The following BMPR1B variants were observed in gnomAD, a reference collection of about 807,000 sequenced individuals.
BMPR1B encodes the protein bone morphogenetic protein receptor type-1B.
A neutral mutation model predicts 59.1 loss-of-function variants in BMPR1B; 12 were observed. The ratio of observed to expected loss-of-function variants is 0.20; its 90% confidence interval spans 0.13 to 0.33. The LOEUF (loss-of-function observed/expected upper bound fraction) is 0.33, where lower values mean the gene tolerates loss of function less well. Ranked by LOEUF, BMPR1B falls within the 10% of genes least tolerant of loss-of-function variation. The probability of loss-of-function intolerance (pLI) is 1.00; values close to 1 mark genes in which losing one functional copy is unlikely to be tolerated. For missense variants in BMPR1B, 550 were observed against 610.9 expected (o/e 0.90, Z 1.05); for synonymous variants, 237 against 207.3 (o/e 1.14, Z -1.23).
At chr4:94,773,415 A>G (rs1227914544) in intron 1 of BMPR1B, among the ~76,000 whole-genome samples, 1 of 152,056 alleles carries the variant, frequency 6.6e-6, no homozygotes, top group Non-Finnish European at 1.5e-5. Context: ...CTAAGATTTT[A>G]TAATTCTTTA....
intron 3 of BMPR1B, among the ~76,000 whole-genome samples, chr4:95,030,471 G>T (rs976747253): frequency 3.9e-5 from 6 of 152,056 alleles, no homozygotes; most frequent in Non-Finnish European, 8.8e-5. Flanking sequence ...GTTCAGGGAT[G>T]CCCTCTCTCA....
At chr4:94,985,742 A>G (rs769991921) in intron 2 of BMPR1B, among the ~76,000 whole-genome samples, 42 of 152,150 alleles carry the variant, frequency 2.8e-4, no homozygotes, top group Non-Finnish European at 3.7e-4. Flanking sequence ...GTTTCTATCT[A>G]TATTTCTTTC....
chr4:94,893,893 A>G (rs1378086844), intron 2 of BMPR1B, among the ~76,000 whole-genome samples: 2 of 152,102 alleles, frequency 1.3e-5, no homozygotes, highest in African/African-American at 2.4e-5. Flanking sequence ...TGAGTCCCAC[A>G]GTGAAATGTG....
At chr4:95,058,703 T>C (rs1426000449) in intron 3 of BMPR1B, among the ~76,000 whole-genome samples, 7 of 152,238 alleles carry the variant, frequency 4.6e-5, no homozygotes, top group African/African-American at 1.2e-4. Context: ...ATTACATTTA[T>C]AGAAATATTC....
intron 3 of BMPR1B, among the ~76,000 whole-genome samples, chr4:95,024,731 G>A (rs538232820): frequency 1.4e-4 from 21 of 152,250 alleles, no homozygotes; most frequent in African/African-American, 5.1e-4. Context: ...CAAGATTAAT[G>A]CTCTGAGGAA....
At chr4:95,066,534 G>A (rs886867546) in intron 3 of BMPR1B, among the ~76,000 whole-genome samples, 2 of 152,140 alleles carry the variant, frequency 1.3e-5, no homozygotes, top group African/African-American at 4.8e-5. Context: ...TCTTTCTTCT[G>A]TTTCTAGAGC....
At chr4:94,792,984 A>G (rs905633656) in intron 1 of BMPR1B, among the ~76,000 whole-genome samples, 1 of 148,896 alleles carries the variant, frequency 6.7e-6, no homozygotes, top group African/African-American at 2.5e-5. Flanking sequence ...TGATTTTCCA[A>G]TAGAAGGATC....
At chr4:95,096,017 AT>A (rs199700479) in intron 3 of BMPR1B, among the ~76,000 whole-genome samples, 22 of 145,584 alleles carry the variant, frequency 1.5e-4, no homozygotes, top group South Asian at 4.5e-4. Flanking sequence ...ATAGTATGAA[AT>A]TTTTTTTACA....
At chr4:94,795,049 A>G (rs1723134118) in intron 1 of BMPR1B, among the ~76,000 whole-genome samples, 1 of 139,382 alleles carries the variant, frequency 7.2e-6, no homozygotes. Context: ...AGAACTTCCA[A>G]CACTATGTTG....
intron 1 of BMPR1B, among the ~76,000 whole-genome samples, chr4:94,811,573 T>C (rs1723812143): frequency 6.6e-6 from 1 of 152,206 alleles, no homozygotes; most frequent in Non-Finnish European, 1.5e-5. Flanking sequence ...TATACTCTGA[T>C]CTAGGATGAT....
chr4:95,145,428 G>T (rs1298896256), intron 10 of BMPR1B, among the ~76,000 whole-genome samples: 2 of 152,162 alleles, frequency 1.3e-5, no homozygotes, highest in Non-Finnish European at 2.9e-5. Context: ...AAGGCACCCT[G>T]CCCTTTTCTG....
At chr4:94,842,086 C>A (rs2148936480) in intron 1 of BMPR1B, among the ~76,000 whole-genome samples, 1 of 152,206 alleles carries the variant, frequency 6.6e-6, no homozygotes, top group South Asian at 2.1e-4. Flanking sequence ...GCACACACAC[C>A]CCAGGGTGCT....
At chr4:95,147,002 T>G (rs2149323442) in intron 10 of BMPR1B, among the ~76,000 whole-genome samples, 1 of 152,316 alleles carries the variant, frequency 6.6e-6, no homozygotes, top group Admixed American at 6.5e-5. Context: ...TTTCCAGTTT[T>G]AGAAAAGATC....
chr4:94,911,679 G>A (rs145139487), intron 2 of BMPR1B, among the ~76,000 whole-genome samples: 35 of 152,230 alleles, frequency 2.3e-4, no homozygotes, highest in East Asian at 1.2e-3. Flanking sequence ...AAATTAAGCC[G>A]TGATAACTGA....
chr4:94,902,086 T>TGGGG (rs745912953), intron 2 of BMPR1B, among the ~76,000 whole-genome samples: 1 of 111,912 alleles, frequency 8.9e-6, no homozygotes, highest in South Asian at 3.3e-4. Flanking sequence ...TGTGTGTGTG[T>TGGGG]GGGGTGTATT....
At chr4:94,871,449 T>C (rs1245128200) in intron 1 of BMPR1B, among the ~76,000 whole-genome samples, 1 of 152,222 alleles carries the variant, frequency 6.6e-6, no homozygotes, top group Admixed American at 6.5e-5. Context: ...GTTGTGAATG[T>C]CATGTTTCTT....
At chr4:95,029,076 A>ATTTG (rs386400866) in intron 3 of BMPR1B, among the ~76,000 whole-genome samples, 1,628 of 150,890 alleles carry the variant, frequency 0.011, 31 homozygotes, top group African/African-American at 0.038. Flanking sequence ...CTTTTTATTT[A>ATTTG]TTTATTTTTT....
At chr4:95,130,345 G>A (rs1424527565) in intron 9 of BMPR1B, among the ~76,000 whole-genome samples, 1 of 152,150 alleles carries the variant, frequency 6.6e-6, no homozygotes, top group African/African-American at 2.4e-5. Flanking sequence ...GGTTTCTTAG[G>A]AATTTGAAGG....
At chr4:94,932,751 A>C (rs1180374262) in intron 2 of BMPR1B, among the ~76,000 whole-genome samples, 1 of 152,148 alleles carries the variant, frequency 6.6e-6, no homozygotes, top group Non-Finnish European at 1.5e-5. Flanking sequence ...AATAAGAAAC[A>C]GTAATTTAAT....
Sources: gnomAD v4.1 joint callset for allele counts (sites outside exome capture counted in the v4.1 genomes callset) on GRCh38, gnomAD v4.1.1 for gene constraint, MANE v1.5 for transcripts, NCBI Gene and HGNC (gene_info 2026-07-23, HGNC 2026-07-21) for gene names.